The following COL8A1 variants were observed in gnomAD, a reference collection of about 807,000 sequenced individuals.
COL8A1 encodes collagen alpha-1(VIII) chain.
COL8A1 carries 21 observed loss-of-function variants against 42.7 expected under a neutral mutation model. That is an observed-to-expected ratio of 0.49 (90% CI 0.35 to 0.71). The LOEUF (loss-of-function observed/expected upper bound fraction) is 0.71, where lower values mean the gene tolerates loss of function less well. COL8A1 is among the 30% of genes least tolerant of loss of function. The pLI, the probability that COL8A1 is intolerant of heterozygous loss-of-function variation, is 0.01. For missense variants in COL8A1, 788 were observed against 962.4 expected, an observed-to-expected ratio of 0.82 and a Z score of 2.40; for synonymous variants, 367 against 369.1, an observed-to-expected ratio of 0.99 and a Z score of 0.06.
intron 1 of COL8A1, among the ~76,000 whole-genome samples, chr3:99,646,147 GA>G (rs1559766550): frequency 6.6e-6 from 1 of 152,160 alleles, no homozygotes; most frequent in African/African-American, 2.4e-5. Context: ...GCTGTGTGGG[GA>G]TGGCTTGTTA....
chr3:99,729,240 T>A (rs1197840519), intron 1 of COL8A1, among the ~76,000 whole-genome samples: 1 of 152,036 alleles, frequency 6.6e-6, no homozygotes. Flanking sequence ...GTTCTCCAGC[T>A]CTCTAAGCTG....
chr3:99,667,971 C>A (rs1938418227), intron 1 of COL8A1, among the ~76,000 whole-genome samples: 1 of 152,026 alleles, frequency 6.6e-6, no homozygotes, highest in Non-Finnish European at 1.5e-5. Context: ...TTAATAAGAA[C>A]TATTTTCTCC....
intron 1 of COL8A1, among the ~76,000 whole-genome samples, chr3:99,733,850 G>A (rs1940608359): frequency 6.6e-6 from 1 of 152,034 alleles, no homozygotes; most frequent in Non-Finnish European, 1.5e-5. Flanking sequence ...TCTAACTGGT[G>A]TGAGATGGTA....
chr3:99,678,199 C>A (rs1288670615), intron 1 of COL8A1: 2 of 151,972 alleles, frequency 1.3e-5, no homozygotes, highest in South Asian at 2.1e-4. Context: ...CTTTAACATG[C>A]GGGTGAGCAA....
chr3:99,741,006 T>C (rs1268501905), intron 1 of COL8A1, among the ~76,000 whole-genome samples: 1 of 152,124 alleles, frequency 6.6e-6, no homozygotes, highest in African/African-American at 2.4e-5. Flanking sequence ...CCTAGAAGCA[T>C]CAAATAATAT....
intron 2 of COL8A1, among the ~76,000 whole-genome samples, chr3:99,766,916 T>C (rs886298044): frequency 6.6e-6 from 1 of 150,974 alleles, no homozygotes; most frequent in Non-Finnish European, 1.5e-5. Context: ...GCCATTGCAC[T>C]CCAGCCTCAG....
chr3:99,660,589 T>C (rs966862450), intron 1 of COL8A1, among the ~76,000 whole-genome samples: 1 of 152,200 alleles, frequency 6.6e-6, no homozygotes, highest in Non-Finnish European at 1.5e-5. Context: ...CACTTAATTG[T>C]TCTGGCATAT....
chr3:99,738,453 C>G (rs1940798638), intron 1 of COL8A1, among the ~76,000 whole-genome samples: 2 of 152,202 alleles, frequency 1.3e-5, no homozygotes, highest in African/African-American at 4.8e-5. Context: ...AGACAGGACC[C>G]TCAGCTGCAG....
chr3:99,722,222 A>G (rs1045904794), intron 1 of COL8A1, among the ~76,000 whole-genome samples: 7 of 152,162 alleles, frequency 4.6e-5, no homozygotes, highest in African/African-American at 1.7e-4. Context: ...ATTCCAGGAC[A>G]TGAAAGACAG....
At chr3:99,790,013 C>T (rs1266932382) in intron 2 of COL8A1, among the ~76,000 whole-genome samples, 2 of 152,204 alleles carry the variant, frequency 1.3e-5, no homozygotes, top group African/African-American at 2.4e-5. Context: ...TTTGTGACTA[C>T]ATCAAAGCAG....
chr3:99,699,126 C>T (rs1030415269), intron 1 of COL8A1, among the ~76,000 whole-genome samples: 4 of 152,148 alleles, frequency 2.6e-5, no homozygotes, highest in Admixed American at 2.6e-4. Context: ...TGCATATGTT[C>T]ATTAAAATTC....
chr3:99,778,387 T>C (rs1171271927), intron 2 of COL8A1, among the ~76,000 whole-genome samples: 2 of 152,202 alleles, frequency 1.3e-5, no homozygotes, highest in African/African-American at 4.8e-5. Flanking sequence ...GAGAGAGAAC[T>C]TCAGAGCTTT....
At chr3:99,770,533 C>A (rs1941558417) in intron 2 of COL8A1, among the ~76,000 whole-genome samples, 1 of 152,118 alleles carries the variant, frequency 6.6e-6, no homozygotes, top group African/African-American at 2.4e-5. Context: ...CTTAAGAGTG[C>A]AGAAGTAAAT....
chr3:99,679,949 T>C (rs763610700), intron 1 of COL8A1: 7 of 152,178 alleles, frequency 4.6e-5, no homozygotes, highest in Non-Finnish European at 8.8e-5. Context: ...ACCATCTAGG[T>C]TGAGGTTTTC....
intron 1 of COL8A1, among the ~76,000 whole-genome samples, chr3:99,659,292 C>T (rs1291516425): frequency 6.6e-6 from 1 of 152,198 alleles, no homozygotes; most frequent in Non-Finnish European, 1.5e-5. Flanking sequence ...CCAGTGCTTT[C>T]ACGGCACATT....
At chr3:99,771,582 G>A (rs139797409) in intron 2 of COL8A1, among the ~76,000 whole-genome samples, 156 of 152,276 alleles carry the variant, frequency 1.0e-3, no homozygotes, top group African/African-American at 3.7e-3. Flanking sequence ...AGCCTAATGT[G>A]CTTTCTGCAA....
chr3:99,705,389 G>T (rs558361157), intron 1 of COL8A1, among the ~76,000 whole-genome samples: 1 of 152,102 alleles, frequency 6.6e-6, no homozygotes, highest in Non-Finnish European at 1.5e-5. Context: ...TTGGGAACTC[G>T]TCCCAGTGGC....
chr3:99,734,462 A>T (rs1356115328), intron 1 of COL8A1, among the ~76,000 whole-genome samples: 1 of 150,494 alleles, frequency 6.6e-6, no homozygotes, highest in East Asian at 1.9e-4. Context: ...ATAGTTGTAG[A>T]TATGTGGTAT....
chr3:99,769,266 A>T (rs1299642430), intron 2 of COL8A1, among the ~76,000 whole-genome samples: 1 of 152,258 alleles, frequency 6.6e-6, no homozygotes. Context: ...AATAAATGTC[A>T]GTCCTTATCC....
Sources: allele counts gnomAD v4.1 joint callset (sites outside exome capture counted in the v4.1 genomes callset), GRCh38; gene constraint gnomAD v4.1.1; transcripts MANE v1.5; gene names NCBI Gene and HGNC (gene_info 2026-07-23, HGNC 2026-07-21).